Variants in XXYLT1 observed in about 807,000 individuals in gnomAD.
XXYLT1 encodes the protein UDP-xylose:alpha-xyloside alpha-1,3-xylosyltransferase.
A neutral mutation model predicts 28.9 loss-of-function variants in XXYLT1; 20 were observed. The observed-to-expected ratio is 0.69, with a 90% CI of 0.49 to 1.00. The LOEUF is 1.00. Ranked by LOEUF, XXYLT1 falls within the 50% of genes least tolerant of loss-of-function variation. The pLI is 0.00. For synonymous variants in XXYLT1, 257 were observed against 253.8 expected (o/e 1.01, Z -0.12); for missense variants, 542 against 560.1 (o/e 0.97, Z 0.33).
chr3:195,109,773 G>A lies in XXYLT1; in HGVS notation c.786-39662C>T, dbSNP rs1475639029. ...TATGTATGTGAGTGTGGGGCTGGGT[G>A]TGTGTGTGGTGTATGTGTGGTGTGT... On this transcript the variant is annotated intron_variant, in intron 3 of 3. Coordinates refer to ENST00000310380, the MANE Select transcript of XXYLT1 (RefSeq NM_152531.5). Among the ~76,000 whole-genome samples the A allele has an allele frequency of 1.0e-4, 7 of 68,170 alleles. 1 individual carries two copies. The highest frequency in any genetic ancestry group is 3.0e-4 in the African/African-American group (7 of 23,202). 44.7% of individuals were successfully genotyped at this position (68,170 alleles called of 152,430 possible).
chr3:195,190,005 G>T (rs1308320595), intron 2 of XXYLT1, among the ~76,000 whole-genome samples: 1 of 152,124 alleles, frequency 6.6e-6, no homozygotes, highest in East Asian at 1.9e-4. Flanking sequence ...ATGATTAATG[G>T]CTGCCTTCTC....
intron 3 of XXYLT1, among the ~76,000 whole-genome samples, chr3:195,081,692 G>A (rs1477519514): frequency 6.6e-6 from 1 of 152,190 alleles, no homozygotes; most frequent in African/African-American, 2.4e-5. Context: ...AATGTTATGA[G>A]GTAATGCAAG....
chr3:195,266,320 C>G (rs1437262437), intron 1 of XXYLT1, among the ~76,000 whole-genome samples: 1 of 152,026 alleles, frequency 6.6e-6, no homozygotes, highest in Non-Finnish European at 1.5e-5. Flanking sequence ...ATGGTGAAAC[C>G]CCATCGCTAC....
Position 195,150,493 on chromosome 3 carries a change from TA to T in XXYLT1, c.785+5955del, listed in dbSNP as rs144464945. On this transcript the variant is annotated intron_variant, in intron 3 of 3. Coordinates refer to ENST00000310380, the MANE Select transcript of XXYLT1 (RefSeq NM_152531.5). The surrounding 1 kb of genome is among the most constrained non-coding windows in gnomAD (Gnocchi z 4.7). Reference sequence around the variant, plus strand: ...AGGCTGGCACAGCACCATCAGCAAATAAAACCATGTGACTTAAAAAGGTGAA... The same window carrying T: ...AGGCTGGCACAGCACCATCAGCAAATAAACCATGTGACTTAAAAAGGTGAA... Among the ~76,000 whole-genome samples the T allele has an allele frequency of 3.4e-4, 51 of 152,204 alleles. No individual in the cohort carries two copies. The highest frequency in any genetic ancestry group is 9.4e-4 in the African/African-American group (39 of 41,488).
Position 195,115,693 on chromosome 3 carries a change from C to T in XXYLT1, c.785+40756G>A, listed in dbSNP as rs1718007649. Among the ~76,000 whole-genome samples the T allele has an allele frequency of 6.6e-6, 1 of 152,234 alleles. No homozygotes were observed. Among genetic ancestry groups the T allele is most frequent in the African/African-American group, 2.4e-5 (1 of 41,456 alleles). Reference sequence around the variant, plus strand: ...ACCCCCTCGTCTGGCTCCGGCAGCACACCGTGTGCGCTCTCACCTTTGAGC... The same window carrying T: ...ACCCCCTCGTCTGGCTCCGGCAGCATACCGTGTGCGCTCTCACCTTTGAGC... On this transcript the variant is annotated intron_variant, in intron 3 of 3. Transcript: ENST00000310380. This position sits in a 1 kb window ranked among gnomAD's most constrained non-coding sequence, Gnocchi z 4.2.
intron 3 of XXYLT1, among the ~76,000 whole-genome samples, chr3:195,130,683 C>T (rs1050451626): frequency 3.3e-5 from 5 of 151,974 alleles, no homozygotes; most frequent in Non-Finnish European, 5.9e-5. Context: ...GCACTGGAGG[C>T]GAGAGGAGGG....
chr3:195,201,377 C>T (rs1005549719), intron 2 of XXYLT1, among the ~76,000 whole-genome samples: 13 of 152,226 alleles, frequency 8.5e-5, no homozygotes, highest in African/African-American at 3.1e-4. Flanking sequence ...CTGGGACATT[C>T]CTTACAGCTG....
At chr3:195,111,687 C>T (rs1717726520) in intron 3 of XXYLT1, among the ~76,000 whole-genome samples, 1 of 152,188 alleles carries the variant, frequency 6.6e-6, no homozygotes, top group Admixed American at 6.5e-5. Context: ...CTGGTACTGA[C>T]TCGTGAAGCC....
At chr3:195,175,998 G>A (rs538850651) in intron 2 of XXYLT1, 39 of 982,900 alleles carry the variant, frequency 4.0e-5, no homozygotes, top group South Asian at 7.6e-5. Flanking sequence ...CAGTGTATAC[G>A]TAGCAGCTTA....
At position 195,069,205 on chromosome 3, in the gene XXYLT1, T is replaced by C. The variant is rs1714659489; in HGVS notation, c.*510A>G. The C allele has an allele frequency of 6.4e-6, 1 of 155,410 alleles. No individual in the cohort carries two copies. The highest frequency in any genetic ancestry group is 2.4e-5 in the African/African-American group (1 of 41,476). The allele number at this position is 155,410 out of a possible 1,614,324, so 9.6% of individuals were successfully genotyped here. A position where few individuals can be genotyped will look rare whatever the true frequency, so the allele number is the denominator to read the frequency against. On this transcript the variant is annotated 3_prime_UTR_variant, in exon 4 of 4. Coordinates refer to ENST00000310380, the MANE Select transcript of XXYLT1 (RefSeq NM_152531.5). ...GCAGCAGCCTCCCAGGGTGAGTATG[T>C]GATGGGCTGGCATTCGTTTGGAAGC...
At chr3:195,097,267 A>T (rs1577021581) in intron 3 of XXYLT1, among the ~76,000 whole-genome samples, 1 of 152,228 alleles carries the variant, frequency 6.6e-6, no homozygotes, top group Non-Finnish European at 1.5e-5. Flanking sequence ...AGACAGAGAG[A>T]TATACTGTAG....
intron 3 of XXYLT1, among the ~76,000 whole-genome samples, chr3:195,072,151 T>A (rs976290041): frequency 6.6e-6 from 1 of 151,604 alleles, no homozygotes; most frequent in African/African-American, 2.4e-5. Flanking sequence ...TGAGGAACGA[T>A]GGAAAGGCAG....
intron 3 of XXYLT1, among the ~76,000 whole-genome samples, chr3:195,099,107 G>A (rs888119867): frequency 1.3e-5 from 2 of 152,162 alleles, no homozygotes; most frequent in African/African-American, 4.8e-5. Flanking sequence ...TGTACCAGGG[G>A]AACCGAGGAC....
chr3:195,109,306 T>A (rs55993159), intron 3 of XXYLT1, among the ~76,000 whole-genome samples: 105,201 of 152,032 alleles, frequency 0.69, 36,732 homozygotes, highest in Middle Eastern at 0.73. Flanking sequence ...GAAGGCGGAA[T>A]AACCAGGCCT....
intron 3 of XXYLT1, among the ~76,000 whole-genome samples, chr3:195,096,547 G>A (rs760956165): frequency 2.6e-5 from 4 of 152,092 alleles, no homozygotes; most frequent in Non-Finnish European, 5.9e-5. Context: ...CTCGGCCTTC[G>A]GGAAAATGGA....
intron 2 of XXYLT1, among the ~76,000 whole-genome samples, chr3:195,212,249 G>A (rs1723352436): frequency 6.6e-6 from 1 of 152,232 alleles, no homozygotes. Flanking sequence ...TGACAGCACA[G>A]TGCAGGCTGA....
chr3:195,139,676 A>C (rs1577069165), intron 3 of XXYLT1, among the ~76,000 whole-genome samples: 1 of 152,136 alleles, frequency 6.6e-6, no homozygotes, highest in East Asian at 1.9e-4. Context: ...ATGATAAGAC[A>C]AAGGCCCCTT....
In XXYLT1 at chr3:195,069,374, G is replaced by A. The variant is rs537772881; in HGVS notation, c.*341C>T. On this transcript the variant is annotated 3_prime_UTR_variant, in exon 4 of 4. Transcript: ENST00000310380. ...AATTTATATTGGTCCAAAAAAGGCC[G>A]GGTCTAAAGGATTTCCATTCCTCAG... 4.6e-4 allele frequency: 124 copies of A among 268,548 alleles called. 1 individual carries two copies. In the East Asian group the frequency reaches 7.2e-3, roughly 16 times the overall value. The allele number at this position is 268,548 out of a possible 1,614,324, so 16.6% of individuals were successfully genotyped here. A position where few individuals can be genotyped will look rare whatever the true frequency, so the allele number is the denominator to read the frequency against.
chr3:195,231,660 T>C (rs1377561268), intron 1 of XXYLT1, among the ~76,000 whole-genome samples: 1 of 152,194 alleles, frequency 6.6e-6, no homozygotes, highest in Non-Finnish European at 1.5e-5. Flanking sequence ...TTGCCCTTCA[T>C]TTAGTTGATA....
Sources: gnomAD v4.1 joint callset for allele counts (sites outside exome capture counted in the v4.1 genomes callset) on GRCh38, gnomAD v4.1.1 for gene constraint, Gnocchi (gnomAD v3.1) non-coding constraint, MANE v1.5 for transcripts, NCBI Gene and HGNC (gene_info 2026-07-23, HGNC 2026-07-21) for gene names.